Variants in SERGEF observed in about 807,000 individuals in gnomAD.
SERGEF encodes secretion-regulating guanine nucleotide exchange factor.
SERGEF carries 51 observed loss-of-function variants against 50.0 expected under a neutral mutation model. That is an observed-to-expected ratio of 1.02 (90% CI 0.81 to 1.29). The LOEUF is 1.29. Ranked by LOEUF, SERGEF falls within the 50% of genes most tolerant of loss-of-function variation. SERGEF has a pLI of 0.00. For missense variants in SERGEF, 521 were observed against 557.0 expected (o/e 0.94, Z 0.65); for synonymous variants, 205 against 212.4 (o/e 0.97, Z 0.30).
intron 9 of SERGEF, among the ~76,000 whole-genome samples, chr11:17,936,432 A>G (rs912510139): frequency 6.6e-6 from 1 of 152,256 alleles, no homozygotes; most frequent in Non-Finnish European, 1.5e-5. Context: ...TAGTCATATC[A>G]GCATTACGAT....
chr11:17,926,890 G>T (rs925948830), intron 9 of SERGEF: 1 of 455,930 alleles, frequency 2.2e-6, no homozygotes. Context: ...AGAATGAAAA[G>T]GTTACCCACT....
intron 8 of SERGEF, among the ~76,000 whole-genome samples, chr11:17,982,237 A>T (rs1053802568): frequency 6.6e-6 from 1 of 152,194 alleles, no homozygotes. Flanking sequence ...CTGTACTGAG[A>T]GTCATGAGAC....
intron 9 of SERGEF, among the ~76,000 whole-genome samples, chr11:17,933,140 T>C (rs1009314631): frequency 2.0e-5 from 3 of 152,182 alleles, no homozygotes; most frequent in African/African-American, 7.2e-5. Flanking sequence ...AGCTGTACTA[T>C]AACAGCAAAT....
At chr11:17,862,392 AG>A (rs1417525114) in intron 10 of SERGEF, among the ~76,000 whole-genome samples, 3 of 152,230 alleles carry the variant, frequency 2.0e-5, no homozygotes, top group Non-Finnish European at 4.4e-5. Context: ...GGCCTGTAGA[AG>A]GAAAGTGGCC....
chr11:17,898,969 C>T (rs1851695798), intron 9 of SERGEF, among the ~76,000 whole-genome samples: 1 of 152,050 alleles, frequency 6.6e-6, no homozygotes, highest in Non-Finnish European at 1.5e-5. Flanking sequence ...AGTGAGTGAT[C>T]GTGAGAGCTG....
intron 10 of SERGEF, among the ~76,000 whole-genome samples, chr11:17,876,829 T>A (rs1292111831): frequency 6.6e-6 from 1 of 152,264 alleles, no homozygotes; most frequent in Admixed American, 6.5e-5. Context: ...GGCACCGCCT[T>A]TGACTCTTTT....
intron 8 of SERGEF, among the ~76,000 whole-genome samples, chr11:17,962,051 A>C (rs770179654): frequency 4.6e-5 from 7 of 152,218 alleles, no homozygotes; most frequent in Admixed American, 1.3e-4. Context: ...TCAATCAACA[A>C]CCAAATAGTC....
At chr11:17,904,199 C>T (rs1406038413) in intron 9 of SERGEF, among the ~76,000 whole-genome samples, 1 of 152,224 alleles carries the variant, frequency 6.6e-6, no homozygotes. Flanking sequence ...AAAGCATTTC[C>T]AAGGCTGGAA....
intron 9 of SERGEF, among the ~76,000 whole-genome samples, chr11:17,927,159 C>A (rs942633978): frequency 1.3e-5 from 2 of 152,156 alleles, no homozygotes; most frequent in African/African-American, 4.8e-5. Flanking sequence ...CCCAGACACA[C>A]CTTTTGCTCC....
intron 9 of SERGEF, among the ~76,000 whole-genome samples, chr11:17,958,060 T>A (rs919706883): frequency 6.6e-6 from 1 of 152,196 alleles, no homozygotes; most frequent in Non-Finnish European, 1.5e-5. Context: ...GTCTTTGTGG[T>A]ATTGTTTAGT....
chr11:17,909,598 T>C (rs1851911003), intron 9 of SERGEF, among the ~76,000 whole-genome samples: 1 of 152,366 alleles, frequency 6.6e-6, no homozygotes, highest in African/African-American at 2.4e-5. Context: ...AGATGTCTTC[T>C]TGATGATATG....
intron 10 of SERGEF, among the ~76,000 whole-genome samples, chr11:17,816,454 C>T (rs552825255): frequency 6.6e-6 from 1 of 152,344 alleles, no homozygotes; most frequent in South Asian, 2.1e-4. Flanking sequence ...TGGAACATAA[C>T]ATCTGCAGCA....
Position 17,910,425 on chromosome 11 carries a change from A to AT in SERGEF, c.1012-32182dup, listed in dbSNP as rs144681446. Among the ~76,000 whole-genome samples the AT allele has an allele frequency of 1.4e-3, 220 of 152,082 alleles. 1 individual carries two copies. The highest frequency in any genetic ancestry group is 5.0e-3 in the African/African-American group (206 of 41,496). On this transcript the variant is annotated intron_variant, in intron 9 of 10. Transcript: ENST00000265965. The stretch of plus-strand genomic sequence containing the variant: ...CACCACGCCCAGCTAATTAAAAAAA[A>AT]TTTTTTTATAGAGATGGAGTCTTGT...
chr11:17,868,578 C>G (rs967119355), intron 10 of SERGEF, among the ~76,000 whole-genome samples: 9 of 152,168 alleles, frequency 5.9e-5, no homozygotes, highest in Non-Finnish European at 1.3e-4. Flanking sequence ...CAAAGTCGCA[C>G]CCACATTTTC....
At chr11:17,879,666 T>C (rs1851303620) in intron 9 of SERGEF, among the ~76,000 whole-genome samples, 1 of 152,212 alleles carries the variant, frequency 6.6e-6, no homozygotes, top group Admixed American at 6.5e-5. Context: ...TTCATCCATG[T>C]TATTATATAT....
chr11:17,849,402 T>C (rs1850673045), intron 10 of SERGEF, among the ~76,000 whole-genome samples: 1 of 152,218 alleles, frequency 6.6e-6, no homozygotes, highest in African/African-American at 2.4e-5. Flanking sequence ...GCTCTGGTAT[T>C]GATATAAAAT....
At chr11:17,950,341 A>C (rs1293524912) in intron 9 of SERGEF, among the ~76,000 whole-genome samples, 2 of 152,190 alleles carry the variant, frequency 1.3e-5, no homozygotes, top group Non-Finnish European at 2.9e-5. Context: ...CCCATTGAGA[A>C]TAGAGGCTGG....
intron 7 of SERGEF, among the ~76,000 whole-genome samples, chr11:17,990,895 T>C (rs1853701034): frequency 2.6e-5 from 4 of 152,068 alleles, no homozygotes; most frequent in Non-Finnish European, 5.9e-5. Context: ...GCCTCCCAAG[T>C]AGCTGGGATT....
chr11:17,887,323 C>T (rs1395494291), intron 9 of SERGEF, among the ~76,000 whole-genome samples: 1 of 152,116 alleles, frequency 6.6e-6, no homozygotes, highest in Non-Finnish European at 1.5e-5. Context: ...CTGGTCCTTG[C>T]CAACTAAAAA....
Sources: gnomAD v4.1 joint callset for allele counts (sites outside exome capture counted in the v4.1 genomes callset) on GRCh38, gnomAD v4.1.1 for gene constraint, MANE v1.5 for transcripts, NCBI Gene and HGNC (gene_info 2026-07-23, HGNC 2026-07-21) for gene names.